The following SPATA6L variants were observed in gnomAD, a reference collection of about 807,000 sequenced individuals.
SPATA6L encodes spermatogenesis associated 6-like protein.
SPATA6L carries 68 observed loss-of-function variants against 49.2 expected under a neutral mutation model. The ratio of observed to expected loss-of-function variants is 1.38; its 90% CI spans 1.14 to 1.69. The LOEUF is 1.69. Among genes scored for constraint, SPATA6L ranks in the 40% most tolerant of loss-of-function variants. The probability of loss-of-function intolerance (pLI) is 0.00; values close to 1 mark genes in which losing one functional copy is unlikely to be tolerated. For synonymous variants in SPATA6L, 198 were observed against 165.7 expected (o/e 1.19, Z -1.50); for missense variants, 668 against 464.3 (o/e 1.44, Z -4.03).
At chr9:4,652,456 T>C (rs1837128419) in intron 3 of SPATA6L, among the ~76,000 whole-genome samples, 1 of 152,046 alleles carries the variant, frequency 6.6e-6, no homozygotes, top group South Asian at 2.1e-4. Context: ...GAGAATGAAA[T>C]TTTTAAAAAT....
chr9:4,664,514 CCCCAA>C (rs1840564057), intron 1 of SPATA6L: 2 of 167,042 alleles, frequency 1.2e-5, no homozygotes, highest in African/African-American at 4.8e-5. Context: ...CATGGTGCCT[CCCCAA>C]ATCATAAGAC....
intron 3 of SPATA6L, among the ~76,000 whole-genome samples, chr9:4,650,179 T>C (rs1230263756): frequency 2.0e-5 from 3 of 152,226 alleles, no homozygotes; most frequent in East Asian, 1.9e-4. Flanking sequence ...CTCTTCAATC[T>C]ACCTGGTATG....
At chr9:4,616,422 A>G (rs1828023091) in intron 9 of SPATA6L, among the ~76,000 whole-genome samples, 1 of 152,184 alleles carries the variant, frequency 6.6e-6, no homozygotes, top group African/African-American at 2.4e-5. Flanking sequence ...TTTAAAATCA[A>G]TCCTCTACAA....
In SPATA6L at chr9:4,627,552, G is replaced by A. The variant is rs58053313; in HGVS notation, c.429+1539C>T. On this transcript the variant is annotated intron_variant, in intron 5 of 11. Coordinates refer to ENST00000682582, the MANE Select transcript of SPATA6L (RefSeq NM_001353486.2). ...AGGTTTTACTCTACCCTGTCCCAAA[G>A]TATTTGGAGAAGCTTCACAAACTAC... 2.4e-3 allele frequency: 884 copies of A among 364,490 alleles called. 6 individuals carry two copies. The highest frequency in any genetic ancestry group is 0.018 in the African/African-American group (834 of 46,566). The allele number at this position is 364,490 out of a possible 1,614,324, so 22.6% of individuals were successfully genotyped here. A position where few individuals can be genotyped will look rare whatever the true frequency, so the allele number is the denominator to read the frequency against.
intron 13 of SPATA6L, among the ~76,000 whole-genome samples, chr9:4,590,896 A>G (rs1488066479): frequency 6.6e-6 from 1 of 152,180 alleles, no homozygotes; most frequent in African/African-American, 2.4e-5. Context: ...CCATTCCTCC[A>G]TAACTCAGGA....
In SPATA6L at chr9:4,625,440, C is replaced by A; in HGVS notation, c.556G>T (p.Ala186Ser). Residue 186 changes from alanine to serine, a missense_variant, in exon 6 of 12, where the codon GCG (alanine) becomes TCG (serine). Physicochemically the swap from Ala to Ser is moderately conservative, Grantham distance 99. Coordinates refer to ENST00000682582, the MANE Select transcript of SPATA6L (RefSeq NM_001353486.2). ...NRLPKGMQAR[A>S]PSQYSTRHFF... ...TGCCTGGTAGAATATTGAGAGGGCG[C>A]CCGGGCTTGCATGCCTTTGGGCAGT... 1 of 1,614,104 alleles carries A rather than the reference C, an allele frequency of 6.2e-7. No individual in the cohort carries two copies. The highest frequency in any genetic ancestry group is 8.5e-7 in the Non-Finnish European group (1 of 1,180,014).
intron 8 of SPATA6L, among the ~76,000 whole-genome samples, 173 bp downstream of exon 8, chr9:4,618,691 C>G (rs1450262800): frequency 1.3e-5 from 2 of 152,178 alleles, no homozygotes; most frequent in African/African-American, 4.8e-5. Context: ...CCAACTAACC[C>G]CTAAGCAAAG....
intron 4 of SPATA6L, among the ~76,000 whole-genome samples, chr9:4,634,365 A>T (rs998007085): frequency 1.3e-5 from 2 of 152,242 alleles, no homozygotes; most frequent in African/African-American, 4.8e-5. Context: ...AGTGAAATTC[A>T]TCAAACTCTG....
At chr9:4,617,341 C>T (rs1174594432) in intron 9 of SPATA6L, 1 of 152,112 alleles carries the variant, frequency 6.6e-6, no homozygotes, top group Non-Finnish European at 1.5e-5. Context: ...CAAGGGTTTC[C>T]CAGAATGCAG....
chr9:4,602,229 T>C (rs1032683304), intron 11 of SPATA6L, among the ~76,000 whole-genome samples: 1 of 152,148 alleles, frequency 6.6e-6, no homozygotes, highest in Non-Finnish European at 1.5e-5. Context: ...AACTTGATAT[T>C]ACCCATGTTG....
At chr9:4,637,521 G>A (rs183544096) in intron 3 of SPATA6L, among the ~76,000 whole-genome samples, 46 of 152,208 alleles carry the variant, frequency 3.0e-4, no homozygotes, top group Non-Finnish European at 5.6e-4. Flanking sequence ...CTGCTGGCAG[G>A]GCTGTCCCTA....
At chr9:4,643,351 AT>A (rs375572584) in intron 3 of SPATA6L, among the ~76,000 whole-genome samples, 1 of 152,196 alleles carries the variant, frequency 6.6e-6, no homozygotes, top group African/African-American at 2.4e-5. Context: ...TAACTAGGAT[AT>A]GGGGAAGGGG....
In SPATA6L at chr9:4,618,123, A is replaced by G. The variant is rs1364440248; in HGVS notation, c.808-13T>C. ...GCTCTTTGATAACCTGAGTGACAAT[A>G]TGCATTATTTAGTTGTAATTTTGCT... On this transcript the variant is annotated splice_polypyrimidine_tract_variant and intron_variant, in intron 8 of 11. Coordinates refer to ENST00000682582, the MANE Select transcript of SPATA6L (RefSeq NM_001353486.2). The G allele has an allele frequency of 6.3e-7, 1 of 1,588,234 alleles. No homozygotes were observed. Among genetic ancestry groups the G allele is most frequent in the Non-Finnish European group, 8.6e-7 (1 of 1,164,138 alleles).
At chr9:4,597,503 G>A (rs571909748), downstream of SPATA6L, among the ~76,000 whole-genome samples, 4 of 152,242 alleles carry the variant, frequency 2.6e-5, no homozygotes, top group Non-Finnish European at 4.4e-5. Context: ...TCAAGAAAAG[G>A]ACCCATCTGC....
intron 11 of SPATA6L, among the ~76,000 whole-genome samples, chr9:4,601,412 G>C (rs1823237372): frequency 6.6e-6 from 1 of 151,324 alleles, no homozygotes; most frequent in South Asian, 2.1e-4. Flanking sequence ...TTTTTGTGTG[G>C]TAAAATTCAC....
rs1327088559 is a variant in SPATA6L at position 4,648,721 on chromosome 9, A to AATAAATAAATAAATAAATAC, written c.226+7319_226+7320insGTATTTATTTATTTATTTAT. 2.2e-4 allele frequency among the ~76,000 whole-genome samples: 27 copies of AATAAATAAATAAATAAATAC among 120,310 alleles called. 1 individual carries two copies. The highest frequency in any genetic ancestry group is 5.8e-4 in the South Asian group (2 of 3,454). 78.9% of individuals were successfully genotyped at this position (120,310 alleles called of 152,430 possible). ...TCTCGAAAAATAAATAAATTAAATA[A>AATAAATAAATAAATAAATAC]ATAAATACATAAGTTCTTTAGTGGT... On this transcript the variant is annotated intron_variant, in intron 3 of 11. Transcript: ENST00000682582.
At chr9:4,645,764 T>C (rs1483423949) in intron 3 of SPATA6L, among the ~76,000 whole-genome samples, 3 of 152,202 alleles carry the variant, frequency 2.0e-5, no homozygotes, top group Non-Finnish European at 4.4e-5. Context: ...ATTGTAGGCT[T>C]CTATTTATAT....
intron 6 of SPATA6L, 80 bp from the exon 7 acceptor site, chr9:4,622,590 C>T (rs1829578747): frequency 1.1e-6 from 1 of 944,518 alleles, no homozygotes; most frequent in African/African-American, 1.6e-5. Flanking sequence ...ATGCCTGTCT[C>T]CCCCTCAATC....
At chr9:4,610,308 T>C (rs1446618804) in intron 9 of SPATA6L, among the ~76,000 whole-genome samples, 2 of 149,146 alleles carry the variant, frequency 1.3e-5, no homozygotes, top group African/African-American at 2.5e-5. Context: ...TTAAAGTTCA[T>C]ATGGAACCAA....
Sources: gnomAD v4.1 joint callset for allele counts (sites outside exome capture counted in the v4.1 genomes callset) on GRCh38, gnomAD v4.1.1 for gene constraint, MANE v1.5 for transcripts, NCBI Gene and HGNC (gene_info 2026-07-23, HGNC 2026-07-21) for gene names.